POLR3E: variants seen among roughly 807,000 people sequenced by gnomAD.
The protein encoded by POLR3E is DNA-directed RNA polymerase III subunit RPC5.
Under a neutral mutation model 96.6 loss-of-function variants are expected in POLR3E, and 41 were observed. The observed-to-expected ratio is 0.42, with a 90% CI of 0.33 to 0.55. The LOEUF (loss-of-function observed/expected upper bound fraction) is 0.55, where lower values mean the gene tolerates loss of function less well. POLR3E is among the 20% of genes least tolerant of loss of function. The pLI is 0.06. For missense variants in POLR3E, 849 were observed against 952.1 expected, an observed-to-expected ratio of 0.89 and a Z score of 1.43; for synonymous variants, 396 against 383.6, an observed-to-expected ratio of 1.03 and a Z score of -0.38.
At chr16:22,305,014 A>T (rs1247951740) in intron 2 of POLR3E, 142 bp from the exon 3 acceptor site, 5 of 731,240 alleles carry the variant, frequency 6.8e-6, no homozygotes, top group Non-Finnish European at 1.3e-5. Context: ...GCTTGCTTTT[A>T]GCATGAGCTG....
Position 22,324,215 on chromosome 16 carries a change from C to T in POLR3E, c.1069-139C>T, listed in dbSNP as rs1213324531. ...CAGAGCTGAAGGGACTGCCTGAGGC[C>T]ACACTGTTGGGAAGAATCAAGGCCA... On this transcript the variant is annotated intron_variant, in intron 14 of 20. Coordinates refer to ENST00000299853, the MANE Select transcript of POLR3E (RefSeq NM_018119.4). The T allele has an allele frequency of 6.1e-6, 4 of 659,076 alleles. No homozygotes were observed. The African/African-American group carries it at 7.3e-5, about 12-fold the overall frequency. The allele number at this position is 659,076 out of a possible 1,614,324, so 40.8% of individuals were successfully genotyped here.
chr16:22,331,511 TTTTG>T (rs1425745456), intron 19 of POLR3E: 1 of 152,362 alleles, frequency 6.6e-6, no homozygotes, highest in East Asian at 1.9e-4. Flanking sequence ...TGTTACTTTT[TTTTG>T]TTTTTTTCAG....
At chr16:22,315,283 C>T in intron 9 of POLR3E, 75 bp downstream of exon 9, 2 of 1,453,966 alleles carry the variant, frequency 1.4e-6, no homozygotes, top group Non-Finnish European at 1.9e-6. Context: ...CTCCGTGTCT[C>T]ACCTTGAACT....
Position 22,333,880 on chromosome 16 carries a change from C to G in POLR3E, c.*180C>G. 1 of 548,942 alleles carries G rather than the reference C, an allele frequency of 1.8e-6. No individual in the cohort carries two copies. The highest frequency in any genetic ancestry group is 2.7e-5 in the South Asian group (1 of 37,120). 34.0% of individuals were successfully genotyped at this position (548,942 alleles called of 1,614,324 possible). On this transcript the variant is annotated 3_prime_UTR_variant, in exon 21 of 21. Transcript: ENST00000299853. ...TATCCTCAGCCAGTCGCAGGGTCAGCTTAAGTTAGTTAGATCACTCCCAGA... is the reference window on the plus strand; with the variant it reads ...TATCCTCAGCCAGTCGCAGGGTCAGGTTAAGTTAGTTAGATCACTCCCAGA...
chr16:22,329,260 C>T (rs1224513755), intron 19 of POLR3E, among the ~76,000 whole-genome samples: 1 of 152,108 alleles, frequency 6.6e-6, no homozygotes, highest in Non-Finnish European at 1.5e-5. Context: ...CAAAAGGATT[C>T]CTTGTCAGAT....
At chr16:22,315,314 T>C (rs1598256546) in intron 9 of POLR3E, 106 bp downstream of exon 9, 4 of 1,185,690 alleles carry the variant, frequency 3.4e-6, no homozygotes, top group Admixed American at 2.3e-5. Context: ...TCATGAGTCA[T>C]AGCCACAGAT....
chr16:22,305,269 G>A (rs189084042), intron 3 of POLR3E, 63 bp downstream of exon 3: 3 of 1,193,596 alleles, frequency 2.5e-6, no homozygotes, highest in African/African-American at 3.0e-5. Context: ...TGTGGACTCA[G>A]GAACACGGGC....
intron 10 of POLR3E, 129 bp from the exon 11 acceptor site, chr16:22,316,866 C>T (rs2048366034): frequency 1.9e-6 from 2 of 1,047,106 alleles, no homozygotes; most frequent in Non-Finnish European, 3.0e-6. Flanking sequence ...TCTGCAGGGG[C>T]TCAGGGCTGC....
At position 22,322,286 on chromosome 16, in the gene POLR3E, G is replaced by T. The variant is rs1178975789; in HGVS notation, c.987-564G>T. On this transcript the variant is annotated intron_variant, in intron 13 of 20. Coordinates refer to ENST00000299853, the MANE Select transcript of POLR3E (RefSeq NM_018119.4). This position sits in a 1 kb window ranked among gnomAD's most constrained non-coding sequence, Gnocchi z 5.2. Reference sequence around the variant, plus strand: ...GGCCTGTGGCTGGAGCTGGGTCAGGGCTACACTCTGGAGATTCTCGTGCCC... The same window carrying T: ...GGCCTGTGGCTGGAGCTGGGTCAGGTCTACACTCTGGAGATTCTCGTGCCC... Among the ~76,000 whole-genome samples, 1 of 152,174 alleles carries T rather than the reference G, an allele frequency of 6.6e-6. No individual in the cohort carries two copies. Among genetic ancestry groups the T allele is most frequent in the Non-Finnish European group, 1.5e-5 (1 of 68,018 alleles).
At chr16:22,327,744 A>T (rs557563370) in intron 18 of POLR3E, 1 of 152,394 alleles carries the variant, frequency 6.6e-6, no homozygotes, top group Non-Finnish European at 1.5e-5. Context: ...TCTGCTGCTT[A>T]TTAGCTGTGT....
chr16:22,311,901 T>C (rs967586418), intron 6 of POLR3E, among the ~76,000 whole-genome samples: 1 of 152,212 alleles, frequency 6.6e-6, no homozygotes, highest in Admixed American at 6.5e-5. Flanking sequence ...GGCCATACCA[T>C]AGAGCCGAGG....
chr16:22,308,631 A>C, intron 4 of POLR3E: 1 of 465,378 alleles, frequency 2.1e-6, no homozygotes, highest in South Asian at 3.2e-5. Context: ...GGAAATAAGG[A>C]TTTTTATGAG....
At chr16:22,298,907 C>A (rs1331632080) in intron 1 of POLR3E, 1 of 452,890 alleles carries the variant, frequency 2.2e-6, no homozygotes, top group Non-Finnish European at 4.4e-6. Flanking sequence ...TAATGCTCCC[C>A]ATAACAGCTT....
chr16:22,310,976 A>G (rs1315660958), intron 6 of POLR3E, among the ~76,000 whole-genome samples: 2 of 152,090 alleles, frequency 1.3e-5, no homozygotes, highest in African/African-American at 4.8e-5. Context: ...TTATTGATTT[A>G]TTTTTTGGAG....
Position 22,324,571 on chromosome 16 carries a change from G to A in POLR3E, c.1197G>A (p.Glu399=), listed in dbSNP as rs138521605. The A allele has an allele frequency of 6.2e-7, 1 of 1,613,462 alleles. No individual in the cohort carries two copies. Among genetic ancestry groups the A allele is most frequent in the Non-Finnish European group, 8.5e-7 (1 of 1,179,796 alleles). ...MAVVRINKGW[E]FILPYDGEFI... ...TGGTGAGGATCAACAAAGGCTGGGA[G>A]TTCATTCTGCCTTATGATGGGGAGT... Residue 399 remains glutamate (E), a synonymous_variant, in exon 16 of 21, where the codon GAG becomes GAA. Transcript: ENST00000299853.
In POLR3E at chr16:22,335,095, G is replaced by A. The variant is rs753579216; in HGVS notation, c.*1395G>A. 1 of 152,202 alleles carries A rather than the reference G, an allele frequency of 6.6e-6. No individual in the cohort carries two copies. Among genetic ancestry groups the A allele is most frequent in the African/African-American group, 2.4e-5 (1 of 41,460 alleles). The allele number at this position is 152,202 out of a possible 1,614,324, so 9.4% of individuals were successfully genotyped here. ...CCTGAAAAGTAAAGTTACCAAAAGC[G>A]ATTTGGAATATGTCTCAGCTTTTCC... is the stretch of plus-strand genomic sequence containing the variant. On this transcript the variant is annotated 3_prime_UTR_variant, in exon 21 of 21. Coordinates refer to ENST00000299853, the MANE Select transcript of POLR3E (RefSeq NM_018119.4).
At chr16:22,307,624 A>T (rs2048160583) in intron 3 of POLR3E, among the ~76,000 whole-genome samples, 1 of 152,234 alleles carries the variant, frequency 6.6e-6, no homozygotes, top group Non-Finnish European at 1.5e-5. Flanking sequence ...CTTTTCCAGC[A>T]TCTTGTGAGG....
chr16:22,307,062 G>A (rs770227520), intron 3 of POLR3E, among the ~76,000 whole-genome samples: 3 of 152,162 alleles, frequency 2.0e-5, no homozygotes, highest in African/African-American at 4.8e-5. Flanking sequence ...AGTGACCCCC[G>A]TGTGTCCAGA....
chr16:22,309,661 C>T, intron 6 of POLR3E, 151 bp downstream of exon 6: 1 of 694,652 alleles, frequency 1.4e-6, no homozygotes, highest in Non-Finnish European at 2.6e-6. Context: ...ACAGAAATGA[C>T]ACATTGTCAG....
Sources: allele counts gnomAD v4.1 joint callset (sites outside exome capture counted in the v4.1 genomes callset), GRCh38; gene constraint gnomAD v4.1.1; non-coding constraint Gnocchi (gnomAD v3.1); transcripts MANE v1.5; gene names NCBI Gene and HGNC (gene_info 2026-07-23, HGNC 2026-07-21).